Variants in PTTG1IP observed in about 807,000 individuals in gnomAD.
The protein encoded by PTTG1IP is pituitary tumor-transforming gene 1 protein-interacting protein.
PTTG1IP carries 16 observed loss-of-function variants against 24.4 expected under a neutral mutation model. The ratio of observed to expected loss-of-function variants is 0.66; its 90% CI spans 0.44 to 1.00. PTTG1IP has a LOEUF of 1.00. Among genes scored for constraint, PTTG1IP ranks in the 50% least tolerant of loss-of-function variants. The pLI is 0.00. For missense variants in PTTG1IP, 241 were observed against 245.8 expected (o/e 0.98, Z 0.13); for synonymous variants, 89 against 96.8 (o/e 0.92, Z 0.47).
At position 44,856,724 on chromosome 21, in the gene PTTG1IP, T is replaced by C. The variant is rs76623899; in HGVS notation, c.278-360A>G. ...TAACTAACCAAAATTCCAAGCTACA[T>C]ACTCAGACTCTCGTAAGACATTCTA... On this transcript the variant is annotated intron_variant, in intron 3 of 5. Coordinates refer to ENST00000330938, the MANE Select transcript of PTTG1IP (RefSeq NM_004339.4). Among the ~76,000 whole-genome samples, 1,043 of 152,342 alleles carry C rather than the reference T, an allele frequency of 6.8e-3. 7 individuals are homozygous for C. The highest frequency in any genetic ancestry group is 0.012 in the Non-Finnish European group (795 of 68,032).
chr21:44,854,196 C>T (rs570555968), intron 5 of PTTG1IP, among the ~76,000 whole-genome samples: 9 of 152,188 alleles, frequency 5.9e-5, no homozygotes, highest in Non-Finnish European at 1.0e-4. Flanking sequence ...GTCCTCATGC[C>T]CCCAGTGGGT....
intron 1 of PTTG1IP, among the ~76,000 whole-genome samples, chr21:44,868,601 T>C (rs149919572): frequency 0.016 from 2,458 of 152,184 alleles, 32 homozygotes; most frequent in South Asian, 0.052. Flanking sequence ...TCTGGCCATA[T>C]CTGGGCCAAG....
rs2083399850 is a variant in PTTG1IP, at chr21:44,850,044, C to G, written c.*1537G>C. On this transcript the variant is annotated 3_prime_UTR_variant, in exon 6 of 6. Coordinates refer to ENST00000330938, the MANE Select transcript of PTTG1IP (RefSeq NM_004339.4). ...TTCTATTCTTTGTGGAAATTTCAGC[C>G]TAGGAATGTTATTCCCGGTACAGAT... The G allele has an allele frequency of 6.6e-6, 1 of 152,186 alleles. No homozygotes were observed. The highest frequency in any genetic ancestry group is 2.1e-4 in the South Asian group (1 of 4,828). 9.4% of individuals were successfully genotyped at this position (152,186 alleles called of 1,614,324 possible).
At chr21:44,865,146 C>T (rs905168401) in intron 2 of PTTG1IP, among the ~76,000 whole-genome samples, 7 of 152,210 alleles carry the variant, frequency 4.6e-5, no homozygotes, top group Non-Finnish European at 8.8e-5. Flanking sequence ...GCAGTGCTGG[C>T]CCCATCTGCA....
chr21:44,865,645 A>G, intron 1 of PTTG1IP, 198 bp from the exon 2 acceptor site: 1 of 636,620 alleles, frequency 1.6e-6, no homozygotes, highest in Non-Finnish European at 2.8e-6. Flanking sequence ...GTGTTCAGGA[A>G]CCCCGCTGCA....
rs571692390 is a variant in PTTG1IP, at chr21:44,858,540, G to T, written c.278-2176C>A. 3.3e-5 allele frequency among the ~76,000 whole-genome samples: 5 copies of T among 152,248 alleles called. No individual in the cohort carries two copies. The East Asian group carries it at 9.7e-4, about 29-fold the overall frequency. ...CTCAGCCTCAGAATTAACCAAACAAGCCCATCGCACCCCACCCTCCTGTCA... is the reference window on the plus strand; with the variant it reads ...CTCAGCCTCAGAATTAACCAAACAATCCCATCGCACCCCACCCTCCTGTCA... On this transcript the variant is annotated intron_variant, in intron 3 of 5. Coordinates refer to ENST00000330938, the MANE Select transcript of PTTG1IP (RefSeq NM_004339.4).
chr21:44,859,758 A>G (rs2146459945), intron 3 of PTTG1IP, among the ~76,000 whole-genome samples: 2 of 152,264 alleles, frequency 1.3e-5, no homozygotes, highest in Middle Eastern at 3.4e-3. Flanking sequence ...GACATCCCAC[A>G]CTACAACCAC....
At chr21:44,868,524 T>A (rs537875074) in intron 1 of PTTG1IP, among the ~76,000 whole-genome samples, 3 of 152,238 alleles carry the variant, frequency 2.0e-5, no homozygotes, top group African/African-American at 7.2e-5. Context: ...CAGTGTGCAG[T>A]GCCCGAGAGT....
intron 1 of PTTG1IP, 85 bp from the exon 2 acceptor site, chr21:44,865,532 T>C: frequency 7.3e-7 from 1 of 1,376,120 alleles, no homozygotes; most frequent in Non-Finnish European, 1.0e-6. Flanking sequence ...TGGGCACCAG[T>C]GAGGGGTGTG....
In PTTG1IP at chr21:44,851,290, G is replaced by A; in HGVS notation, c.*291C>T. On this transcript the variant is annotated 3_prime_UTR_variant, in exon 6 of 6. Transcript: ENST00000330938. ...TGGGTGCCGTCAGGCGGCTTCGTGT[G>A]CAGTTAGCGTTTCACAAACTGAGAA... The A allele has an allele frequency of 2.1e-6, 3 of 1,427,754 alleles. No homozygotes were observed. In the South Asian group the frequency reaches 4.2e-5, roughly 20 times the overall value. The allele number at this position is 1,427,754 out of a possible 1,614,324, so 88.4% of individuals were successfully genotyped here.
chr21:44,855,215 T>G lies in PTTG1IP; in HGVS notation c.491A>C (p.Lys164Thr). 1 of 1,611,350 alleles carries G rather than the reference T, an allele frequency of 6.2e-7. No homozygotes were observed. Among genetic ancestry groups the G allele is most frequent in the African/African-American group, 1.3e-5 (1 of 74,980 alleles). Residue 164 changes from lysine (K) to threonine (T), a missense_variant, in exon 5 of 6, where the codon AAA becomes ACA. Lys to Thr is a moderately conservative substitution (Grantham distance 78, BLOSUM62 -1). Transcript: ENST00000330938. ...GAGGCGTGACCAGTCCTTACCATAT[T>G]TTTTTCTGATTTCATCATGTCTTGT... is the stretch of plus-strand genomic sequence containing the variant. ...MKTRHDEIRK[K>T]YGLFKEENPY...
Position 44,851,320 on chromosome 21 carries a change from A to T in PTTG1IP, c.*261T>A, listed in dbSNP as rs959682345. The T allele has an allele frequency of 6.7e-7, 1 of 1,487,166 alleles. No homozygotes were observed. The highest frequency in any genetic ancestry group is 1.4e-5 in the African/African-American group (1 of 71,382). The allele number at this position is 1,487,166 out of a possible 1,614,324, so 92.1% of individuals were successfully genotyped here. A position where few individuals can be genotyped will look rare whatever the true frequency, so the allele number is the denominator to read the frequency against. On this transcript the variant is annotated 3_prime_UTR_variant, in exon 6 of 6. Coordinates refer to ENST00000330938, the MANE Select transcript of PTTG1IP (RefSeq NM_004339.4). ...TAGCGTTTCACAAACTGAGAAGAGT[A>T]TAAAAAAGCCCAAACCCCAAAGATT...
chr21:44,862,562 C>G (rs1232426875), intron 2 of PTTG1IP, among the ~76,000 whole-genome samples: 6 of 152,178 alleles, frequency 3.9e-5, no homozygotes, highest in Admixed American at 3.9e-4. Context: ...GCACCTCATG[C>G]GCCAGCCCAA....
intron 1 of PTTG1IP, among the ~76,000 whole-genome samples, chr21:44,870,943 G>A (rs922428006): frequency 6.6e-6 from 1 of 152,338 alleles, no homozygotes; most frequent in East Asian, 1.9e-4. Flanking sequence ...ACCAGCAAGT[G>A]TACGTATTTC....
At chr21:44,864,036 T>C (rs143486646) in intron 2 of PTTG1IP, among the ~76,000 whole-genome samples, 21 of 152,144 alleles carry the variant, frequency 1.4e-4, no homozygotes, top group Non-Finnish European at 2.4e-4. Context: ...ATAGAAATCA[T>C]CGAATACATC....
chr21:44,864,387 C>T (rs996356901), intron 2 of PTTG1IP, among the ~76,000 whole-genome samples: 5 of 152,150 alleles, frequency 3.3e-5, no homozygotes, highest in Admixed American at 6.5e-5. Context: ...CCTGTTCACA[C>T]GTTTTTGTTT....
At chr21:44,863,926 G>A (rs2146465390) in intron 2 of PTTG1IP, among the ~76,000 whole-genome samples, 1 of 152,254 alleles carries the variant, frequency 6.6e-6, no homozygotes, top group South Asian at 2.1e-4. Context: ...TCATGCCTTA[G>A]AATAGAAATC....
At chr21:44,858,645 G>C (rs1353137663) in intron 3 of PTTG1IP, among the ~76,000 whole-genome samples, 1 of 152,210 alleles carries the variant, frequency 6.6e-6, no homozygotes, top group African/African-American at 2.4e-5. Context: ...CTGTGACTGT[G>C]ACTAGTCACC....
At chr21:44,871,494 C>T (rs1308341517) in intron 1 of PTTG1IP, among the ~76,000 whole-genome samples, 3 of 152,342 alleles carry the variant, frequency 2.0e-5, no homozygotes, top group South Asian at 4.1e-4. Flanking sequence ...ATCTTCAATA[C>T]ACCATGGGTT....
Sources: gnomAD v4.1 joint callset for allele counts (sites outside exome capture counted in the v4.1 genomes callset) on GRCh38, gnomAD v4.1.1 for gene constraint, MANE v1.5 for transcripts, NCBI Gene and HGNC (gene_info 2026-07-23, HGNC 2026-07-21) for gene names.